The following LPCAT1 variants were observed in gnomAD, a reference collection of about 807,000 sequenced individuals.
The protein encoded by LPCAT1 is 1-acylglycerol-3-phosphate O-acyltransferase.
Under a neutral mutation model 60.9 loss-of-function variants are expected in LPCAT1, and 23 were observed. The observed-to-expected ratio is 0.38, with a 90% confidence interval of 0.27 to 0.53. The LOEUF (loss-of-function observed/expected upper bound fraction) is 0.53, where lower values mean the gene tolerates loss of function less well. Among genes scored for constraint, LPCAT1 ranks in the 20% least tolerant of loss-of-function variants. LPCAT1 has a pLI of 0.82. For synonymous variants in LPCAT1, 340 were observed against 301.1 expected (o/e 1.13, Z -1.34); for missense variants, 622 against 723.6 (o/e 0.86, Z 1.61).
rs189595979 is a variant in LPCAT1, at chr5:1,489,830, G to A, written c.522C>T (p.Phe174=). 23 of 1,613,694 alleles carry A rather than the reference G, an allele frequency of 1.4e-5. No homozygotes were observed. The highest frequency in any genetic ancestry group is 5.3e-5 in the African/African-American group (4 of 75,060). The change falls in exon 4 of 14, where the codon TTC becomes TTT. Residue 174 remains phenylalanine, a synonymous_variant. Transcript: ENST00000283415. The stretch of plus-strand genomic sequence containing the variant: ...GAGAATCCTGGTCTGACCGGGACAC[G>A]AACACAGGCCGTATATACTGGATCA... ...GTLIQYIRPV[F]VSRSDQDSRR...
chr5:1,501,333 G>T, intron 2 of LPCAT1, 128 bp downstream of exon 2: 3 of 1,306,324 alleles, frequency 2.3e-6, no homozygotes, highest in Non-Finnish European at 3.1e-6. Context: ...CCTGGTGGAC[G>T]CTGGGCTCAG....
chr5:1,509,877 C>A lies in LPCAT1; in HGVS notation c.136-8274G>T, dbSNP rs760962347. ...CACACAACCACTCTTACCTTTGGAG[C>A]CCGAGGCACGGCCCGCACCCCAGGC... is the stretch of plus-strand genomic sequence containing the variant. On this transcript the variant is annotated intron_variant, in intron 1 of 13. Coordinates refer to ENST00000283415, the MANE Select transcript of LPCAT1 (RefSeq NM_024830.5). 1.8e-4 allele frequency among the ~76,000 whole-genome samples: 28 copies of A among 152,318 alleles called. No homozygotes were observed. In the South Asian group the frequency reaches 2.1e-3, roughly 11 times the overall value.
At chr5:1,472,009 G>GCAGCA (rs1560953331) in intron 11 of LPCAT1, among the ~76,000 whole-genome samples, 5 of 151,432 alleles carry the variant, frequency 3.3e-5, no homozygotes, top group African/African-American at 1.2e-4. Context: ...GGAGCACTCA[G>GCAGCA]GAGCAGAGGG....
intron 1 of LPCAT1, among the ~76,000 whole-genome samples, chr5:1,514,774 G>C (rs1392101976): frequency 6.6e-6 from 1 of 152,058 alleles, no homozygotes; most frequent in African/African-American, 2.4e-5. Flanking sequence ...CAACAAAAAG[G>C]TCCCCCTGCG....
Position 1,463,269 on chromosome 5 carries a change from G to T in LPCAT1, c.*382C>A, listed in dbSNP as rs565344932. ...CGCAAGCGCACGCTGTGTGGCAGGC[G>T]TGTGCTGAGTGTGCACGGAGGCCCG... On this transcript the variant is annotated 3_prime_UTR_variant, in exon 14 of 14. Coordinates refer to ENST00000283415, the MANE Select transcript of LPCAT1 (RefSeq NM_024830.5). 148 of 199,812 alleles carry T rather than the reference G, an allele frequency of 7.4e-4. No individual in the cohort carries two copies. The highest frequency in any genetic ancestry group is 3.1e-3 in the African/African-American group (132 of 43,024). 12.4% of individuals were successfully genotyped at this position (199,812 alleles called of 1,614,324 possible).
At chr5:1,469,929 A>T (rs1451643519) in intron 12 of LPCAT1, among the ~76,000 whole-genome samples, 1 of 152,226 alleles carries the variant, frequency 6.6e-6, no homozygotes, top group African/African-American at 2.4e-5. Flanking sequence ...TTTCTTACAC[A>T]GAGCTGCCAA....
chr5:1,466,324 T>G (rs1285533047), intron 13 of LPCAT1, among the ~76,000 whole-genome samples: 1 of 152,080 alleles, frequency 6.6e-6, no homozygotes, highest in African/African-American at 2.4e-5. Flanking sequence ...CACGGGGGTC[T>G]GCAGCGCCCG....
At position 1,476,373 on chromosome 5, in the gene LPCAT1, G is replaced by A. The variant is rs1283874600; in HGVS notation, c.899+1031C>T. The stretch of plus-strand genomic sequence containing the variant: ...GGCCCATTTCTACCCTCGGACACAT[G>A]CTTTGGGAGGGAGAGGATGGGAACG... On this transcript the variant is annotated intron_variant, in intron 9 of 13. Coordinates refer to ENST00000283415, the MANE Select transcript of LPCAT1 (RefSeq NM_024830.5). This position sits in a 1 kb window ranked among gnomAD's most constrained non-coding sequence, Gnocchi z 8.6. Among the ~76,000 whole-genome samples the A allele has an allele frequency of 6.6e-6, 1 of 152,164 alleles. No individual in the cohort carries two copies. Among genetic ancestry groups the A allele is most frequent in the Admixed American group, 6.5e-5 (1 of 15,278 alleles).
intron 5 of LPCAT1, among the ~76,000 whole-genome samples, chr5:1,485,900 A>T (rs1299322350): frequency 6.6e-6 from 1 of 152,216 alleles, no homozygotes; most frequent in African/African-American, 2.4e-5. Context: ...CACTTCCAAC[A>T]GCCACATTTG....
At chr5:1,491,225 G>A (rs1735566663) in intron 3 of LPCAT1, among the ~76,000 whole-genome samples, 1 of 152,180 alleles carries the variant, frequency 6.6e-6, no homozygotes, top group Admixed American at 6.5e-5. Context: ...ATATCGGAAG[G>A]GAAGAATGGC....
rs1265469678 is a variant in LPCAT1, at chr5:1,502,609, G to T, written c.136-1006C>A. Among the ~76,000 whole-genome samples the T allele has an allele frequency of 6.6e-6, 1 of 152,224 alleles. No individual in the cohort carries two copies. The highest frequency in any genetic ancestry group is 2.4e-5 in the African/African-American group (1 of 41,462). ...GGCAGCCCAGGGTCTGAGGATGGAG[G>T]TCCCTCCGGGAGGCGGGCAGGACTC... On this transcript the variant is annotated intron_variant, in intron 1 of 13. Transcript: ENST00000283415. The surrounding 1 kb of genome is among the most constrained non-coding windows in gnomAD (Gnocchi z 5.5).
rs114236690 is a variant in LPCAT1, at chr5:1,511,773, C to T, written c.136-10170G>A. Among the ~76,000 whole-genome samples the T allele has an allele frequency of 9.6e-3, 1,457 of 152,310 alleles. 11 individuals are homozygous for T. The highest frequency in any genetic ancestry group is 0.014 in the Non-Finnish European group (957 of 68,010). On this transcript the variant is annotated intron_variant, in intron 1 of 13. Transcript: ENST00000283415. ...ACTCCAGTCTTGGTTGGCCAGGAAC[C>T]GAGCCCCTCCAGGAGGGAGGTCCAT...
At chr5:1,489,186 C>T (rs1022961155) in intron 4 of LPCAT1, among the ~76,000 whole-genome samples, 5 of 152,218 alleles carry the variant, frequency 3.3e-5, no homozygotes, top group African/African-American at 9.6e-5. Flanking sequence ...AGTCACAGCC[C>T]TCTAAGGGGC....
chr5:1,517,052 T>A (rs1242419599), intron 1 of LPCAT1, among the ~76,000 whole-genome samples: 1 of 152,190 alleles, frequency 6.6e-6, no homozygotes, highest in Non-Finnish European at 1.5e-5. Context: ...TAGAAAATAA[T>A]GTTATTTCCA....
chr5:1,497,296 G>A (rs1030923452), intron 2 of LPCAT1, among the ~76,000 whole-genome samples: 1 of 152,264 alleles, frequency 6.6e-6, no homozygotes, highest in Non-Finnish European at 1.5e-5. Context: ...GAGGAAGGCC[G>A]CTGAGGCCTG....
In LPCAT1 at chr5:1,487,299, C is replaced by T. The variant is rs767947697; in HGVS notation, c.667+1092G>A. ...TGGTGGGGGCACACGGATTCGTGGT[C>T]ACCGCGTGCCGCCTCCACCCTCTGC... is the stretch of plus-strand genomic sequence containing the variant. On this transcript the variant is annotated intron_variant, in intron 5 of 13. Transcript: ENST00000283415. This position sits in a 1 kb window ranked among gnomAD's most constrained non-coding sequence, Gnocchi z 6.1. Among the ~76,000 whole-genome samples the T allele has an allele frequency of 5.9e-5, 9 of 152,234 alleles. No homozygotes were observed.
In LPCAT1 at chr5:1,495,937, T is replaced by G. The variant is rs375727050; in HGVS notation, c.279-1023A>C. On this transcript the variant is annotated intron_variant, in intron 2 of 13. Coordinates refer to ENST00000283415, the MANE Select transcript of LPCAT1 (RefSeq NM_024830.5). This position sits in a 1 kb window ranked among gnomAD's most constrained non-coding sequence, Gnocchi z 4.7. ...GCCACCTTGGAATGGCCTTTGTGTATGCGATGATAAACAATGGTGTAGTTA... is the reference window on the plus strand; with the variant it reads ...GCCACCTTGGAATGGCCTTTGTGTAGGCGATGATAAACAATGGTGTAGTTA... Among the ~76,000 whole-genome samples, 22 of 152,280 alleles carry G rather than the reference T, an allele frequency of 1.4e-4. 1 individual carries two copies. In the South Asian group the frequency reaches 4.6e-3, roughly 32 times the overall value.
chr5:1,518,051 C>A (rs1211167657), intron 1 of LPCAT1, among the ~76,000 whole-genome samples: 1 of 152,264 alleles, frequency 6.6e-6, no homozygotes, highest in African/African-American at 2.4e-5. Flanking sequence ...AGTGAACCCG[C>A]AGGGCTGACG....
intron 9 of LPCAT1, among the ~76,000 whole-genome samples, chr5:1,475,629 G>A (rs572094209): frequency 3.5e-4 from 53 of 152,260 alleles, no homozygotes; most frequent in Non-Finnish European, 5.9e-4. Context: ...GGCAGGGGAG[G>A]AGAACGTGCT....
Sources: allele counts gnomAD v4.1 joint callset (sites outside exome capture counted in the v4.1 genomes callset), GRCh38; gene constraint gnomAD v4.1.1; non-coding constraint Gnocchi (gnomAD v3.1); transcripts MANE v1.5; gene names NCBI Gene and HGNC (gene_info 2026-07-23, HGNC 2026-07-21).